Variants in APC2 observed in about 807,000 individuals in gnomAD.
APC2 encodes the protein adenomatous polyposis coli protein 2.
Under a neutral mutation model 72.5 loss-of-function variants are expected in APC2, and 41 were observed. The ratio of observed to expected loss-of-function variants is 0.57; its 90% CI spans 0.44 to 0.73. The LOEUF (loss-of-function observed/expected upper bound fraction) is 0.73. Ranked by LOEUF, APC2 falls within the 30% of genes least tolerant of loss-of-function variation. The probability of loss-of-function intolerance (pLI) is 0.00; values close to 1 mark genes in which losing one functional copy is unlikely to be tolerated. For synonymous variants in APC2, 1,898 were observed against 1,612.0 expected (o/e 1.18, Z -4.25); for missense variants, 3,729 against 3,403.4 (o/e 1.10, Z -2.38).
chr19:1,469,491 GC>G lies in APC2; in HGVS notation c.6193del (p.Arg2065AspfsTer270). 2 of 1,103,666 alleles carry G rather than the reference GC, an allele frequency of 1.8e-6. No individual in the cohort carries two copies. The highest frequency in any genetic ancestry group is 3.4e-5 in the South Asian group (1 of 29,544). 68.4% of individuals were successfully genotyped at this position (1,103,666 alleles called of 1,614,324 possible). On this transcript the variant is annotated frameshift_variant, in exon 15 of 15. Transcript: ENST00000590469. LOFTEE classifies it low-confidence loss of function (END_TRUNC). ...PAPARQRPPA[A>X]RPSPGERPAR... Reference sequence around the variant, plus strand: ...CCCGGCCCGGCAGCGGCCCCCCGCGGCCCGACCCAGCCCTGGCGAGCGCCCT... The same window carrying G: ...CCCGGCCCGGCAGCGGCCCCCCGCGGCCGACCCAGCCCTGGCGAGCGCCCT...
At position 1,458,126 on chromosome 19, in the gene APC2, G is replaced by C. The variant is rs73921709; in HGVS notation, c.1303+66G>C. 1.7e-4 allele frequency: 243 copies of C among 1,414,636 alleles called. 1 individual carries two copies. In the African/African-American group the frequency reaches 2.9e-3, roughly 17 times the overall value. 87.6% of individuals were successfully genotyped at this position (1,414,636 alleles called of 1,614,324 possible). On this transcript the variant is annotated intron_variant, in intron 10 of 14. Transcript: ENST00000590469. ...CCGAACAGGTGGTGGCTCCTCGGCC[G>C]CTAAAGGGACACAGGCTGGGTCATC...
Position 1,465,666 on chromosome 19 carries a change from G to A in APC2, c.2365G>A (p.Ala789Thr), listed in dbSNP as rs1203747416. Residue 789 changes from alanine (A) to threonine (T), a missense_variant, in exon 15 of 15, where the codon GCG becomes ACG. Physicochemically the swap from Ala to Thr is moderately conservative, Grantham distance 58. Transcript: ENST00000590469. Reference protein sequence around the residue: ...DDDDAPSSLAAAAATGEPASP... With the variant: ...DDDDAPSSLATAAATGEPASP... Reference sequence around the variant, plus strand: ...CGACGATGCACCGTCATCCCTGGCTGCGGCCGCGGCCACCGGGGAGCCAGC... The same window carrying A: ...CGACGATGCACCGTCATCCCTGGCTACGGCCGCGGCCACCGGGGAGCCAGC... 1.7e-5 allele frequency: 27 copies of A among 1,598,350 alleles called. No individual in the cohort carries two copies. Among genetic ancestry groups the A allele is most frequent in the Non-Finnish European group, 2.1e-5 (25 of 1,174,064 alleles).
chr19:1,455,641 C>A, intron 6 of APC2, 141 bp downstream of exon 6: 1 of 841,954 alleles, frequency 1.2e-6, no homozygotes, highest in Non-Finnish European at 1.9e-6. Context: ...GGTTCTGGTT[C>A]AGGAGGCGGG....
In APC2 at chr19:1,453,508, A is replaced by G. The variant is rs1181555296; in HGVS notation, c.310A>G (p.Thr104Ala). The G allele has an allele frequency of 1.2e-6, 2 of 1,607,340 alleles. No homozygotes were observed. Among genetic ancestry groups the G allele is most frequent in the Admixed American group, 3.3e-5 (2 of 59,730 alleles). Reference protein sequence around the residue: ...PTLGPEPAARTPEGSPVHGSG... With the variant: ...PTLGPEPAARAPEGSPVHGSG... ...CCTGGGCCCGGAGCCTGCCGCCCGG[A>G]CCCCCGAGGGCAGCCCAGTACACGG... Residue 104 changes from threonine (T) to alanine (A), a missense_variant, in exon 4 of 15, where the codon ACC becomes GCC. By Grantham distance (58) the Thr-to-Ala change is moderately conservative. Transcript: ENST00000590469.
In APC2 at chr19:1,452,719, G is replaced by T. The variant is rs914154297; in HGVS notation, c.-18-265G>T. The T allele has an allele frequency of 2.2e-6, 1 of 457,942 alleles. No homozygotes were observed. Among genetic ancestry groups the T allele is most frequent in the East Asian group, 3.8e-5 (1 of 26,280 alleles). 28.4% of individuals were successfully genotyped at this position (457,942 alleles called of 1,614,324 possible). ...CTGTCGGTCGACTGGTCAGTTGGAC[G>T]TTCAGCTGTCTGTACGTCTGTCTGC... On this transcript the variant is annotated intron_variant, in intron 1 of 14. Transcript: ENST00000590469. The surrounding 1 kb of genome is among the most constrained non-coding windows in gnomAD (Gnocchi z 5.1).
Position 1,466,324 on chromosome 19 carries a change from C to T in APC2, c.3023C>T (p.Ala1008Val). 6.5e-7 allele frequency: 1 copy of T among 1,545,684 alleles called. No homozygotes were observed. The highest frequency in any genetic ancestry group is 1.2e-5 in the South Asian group (1 of 83,782). The change falls in exon 15 of 15, where the codon GCC (alanine) becomes GTC (valine). Residue 1008 changes from alanine to valine, a missense_variant. Ala to Val is a moderately conservative substitution (Grantham distance 64). Coordinates refer to ENST00000590469, the MANE Select transcript of APC2 (RefSeq NM_005883.3). ...CAGCACGTGCCACTGCTTGAGGGTG[C>T]CTCAAGGGCGGGTGCAGAGCCCCTC... ...TYQHVPLLEG[A>V]SRAGAEPLAG...
upstream of APC2, among the ~76,000 whole-genome samples, chr19:1,447,256 G>A (rs972537737): frequency 6.6e-6 from 1 of 152,258 alleles, no homozygotes; most frequent in Admixed American, 6.5e-5. Flanking sequence ...GCTCCCGATG[G>A]GGGCCGCCCC....
chr19:1,452,854 C>T lies in APC2; in HGVS notation c.-18-130C>T. Reference sequence around the variant, plus strand: ...CTGTACTTGTCCACACCAGTGACTCCTGCCTGAGACCCCCCCCAACCCAGG... The same window carrying T: ...CTGTACTTGTCCACACCAGTGACTCTTGCCTGAGACCCCCCCCAACCCAGG... On this transcript the variant is annotated intron_variant, in intron 1 of 14. Coordinates refer to ENST00000590469, the MANE Select transcript of APC2 (RefSeq NM_005883.3). This position sits in a 1 kb window ranked among gnomAD's most constrained non-coding sequence, Gnocchi z 5.1. 8.4e-7 allele frequency: 1 copy of T among 1,187,888 alleles called. No individual in the cohort carries two copies. Among genetic ancestry groups the T allele is most frequent in the East Asian group, 2.6e-5 (1 of 39,014 alleles). The allele number at this position is 1,187,888 out of a possible 1,614,324, so 73.6% of individuals were successfully genotyped here.
chr19:1,454,808 C>T, intron 4 of APC2, among the ~76,000 whole-genome samples: 1 of 152,126 alleles, frequency 6.6e-6, no homozygotes, highest in East Asian at 1.9e-4. Flanking sequence ...ACCTCGTGAT[C>T]CGCCTGCCTC....
In APC2 at chr19:1,467,276, G is replaced by A. The variant is rs1187587002; in HGVS notation, c.3975G>A (p.Pro1325=). 6.1e-6 allele frequency: 8 copies of A among 1,307,264 alleles called. No homozygotes were observed. The African/African-American group carries it at 7.7e-5, about 13-fold the overall frequency. The allele number at this position is 1,307,264 out of a possible 1,614,324, so 81.0% of individuals were successfully genotyped here. Residue 1325 remains proline, a synonymous_variant, in exon 15 of 15, where the codon CCG becomes CCA. Coordinates refer to ENST00000590469, the MANE Select transcript of APC2 (RefSeq NM_005883.3). ...FAGHRRREEG[P]APTGSRPRGA... The stretch of plus-strand genomic sequence containing the variant: ...GGCACCGGCGGCGGGAGGAGGGGCC[G>A]GCGCCCACGGGTTCTCGCCCTCGCG...
intron 1 of APC2, chr19:1,451,622 C>A (rs1018359887): frequency 2.0e-5 from 3 of 152,314 alleles, no homozygotes; most frequent in Non-Finnish European, 4.4e-5. Context: ...GGGCCTCCAG[C>A]CTGGACTTCC....
chr19:1,459,695 C>T (rs778896286), intron 10 of APC2, among the ~76,000 whole-genome samples: 3 of 152,186 alleles, frequency 2.0e-5, no homozygotes, highest in South Asian at 2.1e-4. Context: ...GCCATCTCCC[C>T]GTTGATTTCC....
At chr19:1,464,381 A>C in intron 14 of APC2, among the ~76,000 whole-genome samples, 1 of 151,640 alleles carries the variant, frequency 6.6e-6, no homozygotes, top group East Asian at 2.0e-4. Context: ...TTTACATGTT[A>C]TTTATGAAAA....
intron 13 of APC2, 93 bp downstream of exon 13, chr19:1,461,246 C>A: frequency 1.9e-6 from 2 of 1,077,368 alleles, no homozygotes; most frequent in Non-Finnish European, 2.8e-6. Context: ...GGGAGGAAAT[C>A]AAGTTGAACA....
At chr19:1,459,104 T>C (rs1271703964) in intron 10 of APC2, among the ~76,000 whole-genome samples, 1 of 152,106 alleles carries the variant, frequency 6.6e-6, no homozygotes, top group Non-Finnish European at 1.5e-5. Context: ...AGGGACATCC[T>C]AGGAGTGGAA....
intron 5 of APC2, 34 bp downstream of exon 5, chr19:1,455,291 C>G (rs1478739145): frequency 6.4e-7 from 1 of 1,574,388 alleles, no homozygotes; most frequent in Non-Finnish European, 8.6e-7. Flanking sequence ...GGCAGCGCGC[C>G]CGCCCCACTC....
chr19:1,467,512 C>T lies in APC2; in HGVS notation c.4211C>T (p.Ala1404Val), dbSNP rs1395672013. ...EGTPVNFSSA[A>V]SLSDETLQGP... ...ACGCCGGTCAACTTCTCTAGCGCCG[C>T]CTCGCTCAGCGACGAGACGCTGCAG... is the stretch of plus-strand genomic sequence containing the variant. The change falls in exon 15 of 15, where the codon GCC (alanine) becomes GTC (valine). Residue 1404 changes from alanine to valine, a missense_variant. Transcript: ENST00000590469. 6.8e-7 allele frequency: 1 copy of T among 1,468,218 alleles called. No individual in the cohort carries two copies. Among genetic ancestry groups the T allele is most frequent in the Admixed American group, 2.3e-5 (1 of 42,842 alleles). 90.9% of individuals were successfully genotyped at this position (1,468,218 alleles called of 1,614,324 possible). A position where few individuals can be genotyped will look rare whatever the true frequency, so the allele number is the denominator to read the frequency against.
At chr19:1,449,386 C>T (rs997665605), upstream of APC2, among the ~76,000 whole-genome samples, 1 of 152,152 alleles carries the variant, frequency 6.6e-6, no homozygotes, top group African/African-American at 2.4e-5. Flanking sequence ...CTGGAGATGG[C>T]GACTCCTGGG....
intron 9 of APC2, 192 bp downstream of exon 9, chr19:1,457,435 G>T (rs113187932): frequency 7.5e-6 from 6 of 800,248 alleles, no homozygotes; most frequent in Non-Finnish European, 1.1e-5. Flanking sequence ...CGTACCTGGC[G>T]CAGAGTAAAC....
Sources: allele counts gnomAD v4.1 joint callset (sites outside exome capture counted in the v4.1 genomes callset), GRCh38; gene constraint gnomAD v4.1.1; non-coding constraint Gnocchi (gnomAD v3.1); transcripts MANE v1.5; gene names NCBI Gene and HGNC (gene_info 2026-07-23, HGNC 2026-07-21).